Variants in GSDME observed in about 807,000 individuals in gnomAD.
GSDME encodes gasdermin E, also known as gasdermin-E.
In GSDME, 44 loss-of-function variants were observed where a neutral mutation model predicts 47.5. That is an observed-to-expected ratio of 0.93 (90% CI 0.73 to 1.19). The LOEUF (loss-of-function observed/expected upper bound fraction) is 1.19, where lower values mean the gene tolerates loss of function less well. Among genes scored for constraint, GSDME ranks in the 50% most tolerant of loss-of-function variants. The pLI is 0.00. For synonymous variants in GSDME, 258 were observed against 252.8 expected, an observed-to-expected ratio of 1.02 and a Z score of -0.20; for missense variants, 663 against 604.2, an observed-to-expected ratio of 1.10 and a Z score of -1.02.
intron 3 of GSDME, among the ~76,000 whole-genome samples, chr7:24,740,703 C>T (rs1790462184): frequency 6.6e-6 from 1 of 151,748 alleles, no homozygotes; most frequent in Non-Finnish European, 1.5e-5. Flanking sequence ...AATTCTGAAA[C>T]ATTTTAATTA....
At chr7:24,713,018 CAA>C (rs34346794) in intron 5 of GSDME, among the ~76,000 whole-genome samples, 13 of 108,342 alleles carry the variant, frequency 1.2e-4, no homozygotes, top group African/African-American at 1.3e-4. Flanking sequence ...AACTCAGTCT[CAA>C]AAAAAAAAAA....
chr7:24,795,059 T>TG, the GSDME span, among the ~76,000 whole-genome samples: 3 of 152,162 alleles, frequency 2.0e-5, no homozygotes, highest in African/African-American at 7.2e-5. Context: ...TCCACTCAGA[T>TG]GGAGTGGGCA....
intron 3 of GSDME, among the ~76,000 whole-genome samples, chr7:24,740,314 A>G (rs1173791619): frequency 3.3e-5 from 5 of 152,014 alleles, no homozygotes; most frequent in African/African-American, 9.7e-5. Flanking sequence ...GGGGGATGCG[A>G]GGATAGTTAA....
rs1348924640 is a variant in GSDME at position 24,739,834 on chromosome 7, C to T, written c.404+4728G>A. Among the ~76,000 whole-genome samples, 2 of 152,048 alleles carry T rather than the reference C, an allele frequency of 1.3e-5. No individual in the cohort carries two copies. The highest frequency in any genetic ancestry group is 6.6e-5 in the Admixed American group (1 of 15,252). On this transcript the variant is annotated intron_variant, in intron 3 of 9. Transcript: ENST00000645220. The surrounding 1 kb of genome is among the most constrained non-coding windows in gnomAD (Gnocchi z 5.1). ...CCTGGGCTGGGCGCAGTGGCTCACG[C>T]CCATAATCCTAGCACTTTGGGAGGC...
chr7:24,773,962 T>C, the GSDME span, among the ~76,000 whole-genome samples: 1 of 152,242 alleles, frequency 6.6e-6, no homozygotes, highest in Admixed American at 6.5e-5. The surrounding 1 kb of genome is among the most constrained non-coding windows in gnomAD (Gnocchi z 5.4). Context: ...GTGTGTCTCT[T>C]AGATGCACAA....
chr7:24,776,956 T>G, the GSDME span, among the ~76,000 whole-genome samples: 9 of 152,190 alleles, frequency 5.9e-5, no homozygotes, highest in Non-Finnish European at 1.3e-4. Context: ...TTTCAGTTTA[T>G]TCTTCCTTTT....
At chr7:24,701,462 A>G (rs1326155005) in intron 9 of GSDME, among the ~76,000 whole-genome samples, 2 of 152,036 alleles carry the variant, frequency 1.3e-5, no homozygotes, top group Non-Finnish European at 2.9e-5. Flanking sequence ...TGAGTTTGTC[A>G]CAGAAGGGGT....
In GSDME at chr7:24,728,359, C is replaced by T. The variant is rs1390779377; in HGVS notation, c.405-9141G>A. ...CCGTTAACCATTCAGTCAACCGGGA[C>T]GCACCCTCTTCGAGATGTTTTCTTA... is the stretch of plus-strand genomic sequence containing the variant. On this transcript the variant is annotated intron_variant, in intron 3 of 9. Transcript: ENST00000645220. This position sits in a 1 kb window ranked among gnomAD's most constrained non-coding sequence, Gnocchi z 7.2. Among the ~76,000 whole-genome samples the T allele has an allele frequency of 1.3e-5, 2 of 152,154 alleles. No individual in the cohort carries two copies. The highest frequency in any genetic ancestry group is 2.4e-5 in the African/African-American group (1 of 41,444).
chr7:24,744,584 G>C lies in GSDME; in HGVS notation c.382C>G (p.Leu128Val). The change falls in exon 3 of 10, where the codon CTC becomes GTC. Residue 128 changes from leucine to valine, a missense_variant. Transcript: ENST00000645220. This position sits in a 1 kb window ranked among gnomAD's most constrained non-coding sequence, Gnocchi z 4.5. ...TACCTCTCGGCAGAGTCTCTGATGA[G>C]CTGCTGCAAATCCACCTCCTGCTTC... Reference protein sequence around the residue: ...LRKQEVDLQQLIRDSAERTIN... With the variant: ...LRKQEVDLQQVIRDSAERTIN... 1 of 1,614,156 alleles carries C rather than the reference G, an allele frequency of 6.2e-7. No individual in the cohort carries two copies. Among genetic ancestry groups the C allele is most frequent in the South Asian group, 1.1e-5 (1 of 91,080 alleles).
chr7:24,772,804 ATTTC>A, the GSDME span, among the ~76,000 whole-genome samples: 3 of 152,188 alleles, frequency 2.0e-5, no homozygotes, highest in Non-Finnish European at 4.4e-5. The surrounding 1 kb of genome is among the most constrained non-coding windows in gnomAD (Gnocchi z 4.5). Flanking sequence ...TTAGAAAGGT[ATTTC>A]TTTCTGACTG....
chr7:24,716,877 C>A lies in GSDME; in HGVS notation c.697+377G>T. On this transcript the variant is annotated intron_variant, in intron 5 of 9. Transcript: ENST00000645220. This position sits in a 1 kb window ranked among gnomAD's most constrained non-coding sequence, Gnocchi z 4.5. ...TTCCAGAGACAGGGAAGCCAAGACT[C>A]AGCAAGATTCAGCAACTTGCCTGAG... is the stretch of plus-strand genomic sequence containing the variant. 3.1e-6 allele frequency: 1 copy of A among 318,150 alleles called. No homozygotes were observed. The highest frequency in any genetic ancestry group is 6.2e-6 in the Non-Finnish European group (1 of 161,674). The allele number at this position is 318,150 out of a possible 1,614,324, so 19.7% of individuals were successfully genotyped here.
chr7:24,772,329 C>T, the GSDME span, among the ~76,000 whole-genome samples: 1 of 152,296 alleles, frequency 6.6e-6, no homozygotes, highest in Admixed American at 6.5e-5. The surrounding 1 kb of genome is among the most constrained non-coding windows in gnomAD (Gnocchi z 4.5). Flanking sequence ...TTCTTTGACC[C>T]ACAGGTTTAA....
In GSDME at chr7:24,725,574, G is replaced by T. The variant is rs150928786; in HGVS notation, c.405-6356C>A. On this transcript the variant is annotated intron_variant, in intron 3 of 9. Coordinates refer to ENST00000645220, the MANE Select transcript of GSDME (RefSeq NM_001127453.2). The surrounding 1 kb of genome is among the most constrained non-coding windows in gnomAD (Gnocchi z 5.1). ...CGTTTAAGGGCTCACAACTCTAAGG[G>T]GGTGCGCATGAGAGGGTCGTGATCG... is the stretch of plus-strand genomic sequence containing the variant. Among the ~76,000 whole-genome samples, 2,539 of 152,300 alleles carry T rather than the reference G, an allele frequency of 0.017. 30 individuals carry two copies. Among genetic ancestry groups the T allele is most frequent in the Non-Finnish European group, 0.027 (1,818 of 68,034 alleles).
chr7:24,760,763 G>C (rs1791154593), upstream of GSDME, among the ~76,000 whole-genome samples: 1 of 152,154 alleles, frequency 6.6e-6, no homozygotes, highest in African/African-American at 2.4e-5. This position sits in a 1 kb window ranked among gnomAD's most constrained non-coding sequence, Gnocchi z 4.2. Context: ...AATCCCAAAA[G>C]TGCTTTTTAA....
At chr7:24,738,494 G>A (rs111383872) in intron 3 of GSDME, among the ~76,000 whole-genome samples, 14,975 of 152,116 alleles carry the variant, frequency 0.098, 813 homozygotes, top group Admixed American at 0.12. Flanking sequence ...ATGGAAAGAT[G>A]TTCCATATTC....
intron 2 of GSDME, among the ~76,000 whole-genome samples, chr7:24,746,728 A>T (rs895449896): frequency 6.6e-6 from 1 of 152,208 alleles, no homozygotes; most frequent in Non-Finnish European, 1.5e-5. Context: ...CCTCCGAAGA[A>T]GATGTCATTT....
upstream of GSDME, among the ~76,000 whole-genome samples, chr7:24,759,689 T>C (rs1584118713): frequency 6.6e-6 from 1 of 152,072 alleles, no homozygotes; most frequent in South Asian, 2.1e-4. Flanking sequence ...TAGGGTAGAC[T>C]CTCCAGAACA....
In GSDME at chr7:24,705,957, C is replaced by T; in HGVS notation, c.1183+227G>A. 3 of 611,512 alleles carry T rather than the reference C, an allele frequency of 4.9e-6. No homozygotes were observed. Among genetic ancestry groups the T allele is most frequent in the South Asian group, 3.7e-5 (2 of 53,382 alleles). The allele number at this position is 611,512 out of a possible 1,614,324, so 37.9% of individuals were successfully genotyped here. On this transcript the variant is annotated intron_variant, in intron 8 of 9. Transcript: ENST00000645220. This position sits in a 1 kb window ranked among gnomAD's most constrained non-coding sequence, Gnocchi z 4.1. ...CCCTGGGGGAGGAGGGAGAAGGGCCCTCCGGGAGAGTAGGGAGGCTTGTGC... is the reference window on the plus strand; with the variant it reads ...CCCTGGGGGAGGAGGGAGAAGGGCCTTCCGGGAGAGTAGGGAGGCTTGTGC...
rs1018962824 is a variant in GSDME, at chr7:24,725,656, A to T, written c.405-6438T>A. ...CTGCATGCTCTGCTAATCAGATTGG[A>T]ACAAAATAGGATGGGGATTTTCACA... On this transcript the variant is annotated intron_variant, in intron 3 of 9. Coordinates refer to ENST00000645220, the MANE Select transcript of GSDME (RefSeq NM_001127453.2). This position sits in a 1 kb window ranked among gnomAD's most constrained non-coding sequence, Gnocchi z 5.1. Among the ~76,000 whole-genome samples, 1 of 152,116 alleles carries T rather than the reference A, an allele frequency of 6.6e-6. No homozygotes were observed. The highest frequency in any genetic ancestry group is 6.5e-5 in the Admixed American group (1 of 15,276).
Sources: allele counts gnomAD v4.1 joint callset (sites outside exome capture counted in the v4.1 genomes callset), GRCh38; gene constraint gnomAD v4.1.1; non-coding constraint Gnocchi (gnomAD v3.1); transcripts MANE v1.5; gene names NCBI Gene and HGNC (gene_info 2026-07-23, HGNC 2026-07-21).